The following AGBL1 variants were observed in gnomAD, a reference collection of about 807,000 sequenced individuals.
AGBL1 encodes AGBL carboxypeptidase 1.
Under a neutral mutation model 118.9 loss-of-function variants are expected in AGBL1, and 130 were observed. The observed-to-expected ratio is 1.09, with a 90% CI of 0.95 to 1.26. The LOEUF (loss-of-function observed/expected upper bound fraction) is 1.26, where lower values mean the gene tolerates loss of function less well. AGBL1 is among the 50% of genes most tolerant of loss of function. AGBL1 has a pLI of 0.00. For synonymous variants in AGBL1, 555 were observed against 478.9 expected (o/e 1.16, Z -2.08); for missense variants, 1,584 against 1,298.1 (o/e 1.22, Z -3.38).
chr15:86,398,577 AAG>A (rs1041843622), intron 18 of AGBL1, among the ~76,000 whole-genome samples: 6 of 152,158 alleles, frequency 3.9e-5, no homozygotes, highest in African/African-American at 1.4e-4. Flanking sequence ...TGTTAAATGA[AAG>A]AGACAAAATG....
intron 18 of AGBL1, among the ~76,000 whole-genome samples, chr15:86,468,040 T>C (rs1030531930): frequency 1.3e-5 from 2 of 152,114 alleles, no homozygotes; most frequent in African/African-American, 4.8e-5. Context: ...TGTAAACTCC[T>C]TGGGGCAGGA....
intron 22 of AGBL1, among the ~76,000 whole-genome samples, chr15:86,824,925 T>C (rs1003643342): frequency 6.6e-6 from 1 of 151,940 alleles, no homozygotes; most frequent in Non-Finnish European, 1.5e-5. Flanking sequence ...GGCGTGGTGG[T>C]GCACACCTGT....
intron 23 of AGBL1, among the ~76,000 whole-genome samples, chr15:86,936,157 C>A (rs2080671448): frequency 6.6e-6 from 1 of 152,316 alleles, no homozygotes; most frequent in Non-Finnish European, 1.5e-5. Context: ...CTCAGCCACA[C>A]TCGAGAGAGC....
At position 86,430,039 on chromosome 15, in the gene AGBL1, T is replaced by C. The variant is rs117168030; in HGVS notation, c.2555+32493T>C. On this transcript the variant is annotated intron_variant, in intron 18 of 22. Transcript: ENST00000614907. Reference sequence around the variant, plus strand: ...TACATTGATGTAGCCAATCTTTGAATTTCGAAGACATTGCGAATCAAAGCA... The same window carrying C: ...TACATTGATGTAGCCAATCTTTGAACTTCGAAGACATTGCGAATCAAAGCA... 6.6e-3 allele frequency among the ~76,000 whole-genome samples: 1,004 copies of C among 152,314 alleles called. 9 individuals carry two copies. Among genetic ancestry groups the C allele is most frequent in the South Asian group, 0.029 (142 of 4,820 alleles).
intron 18 of AGBL1, among the ~76,000 whole-genome samples, chr15:86,471,842 C>A (rs892302326): frequency 3.9e-5 from 6 of 152,120 alleles, no homozygotes; most frequent in Non-Finnish European, 5.9e-5. Context: ...ATGTCTTGAC[C>A]ATAGGAACCC....
chr15:86,549,178 A>G (rs1287206499), intron 20 of AGBL1, among the ~76,000 whole-genome samples: 1 of 152,100 alleles, frequency 6.6e-6, no homozygotes, highest in Admixed American at 6.5e-5. Context: ...TATCTAAACT[A>G]TATCGTATGG....
chr15:86,548,769 A>G (rs1394865448), intron 20 of AGBL1, among the ~76,000 whole-genome samples: 1 of 152,076 alleles, frequency 6.6e-6, no homozygotes, highest in African/African-American at 2.4e-5. Flanking sequence ...CTCTATAAAT[A>G]CATGGTGTAT....
intron 13 of AGBL1, among the ~76,000 whole-genome samples, chr15:86,268,109 A>G (rs1344236930): frequency 1.3e-5 from 2 of 152,328 alleles, no homozygotes; most frequent in African/African-American, 2.4e-5. Context: ...TCAGGGATGC[A>G]TATTCGCCAT....
intron 22 of AGBL1, among the ~76,000 whole-genome samples, chr15:86,718,768 T>G (rs2086674331): frequency 6.6e-6 from 1 of 151,660 alleles, no homozygotes; most frequent in African/African-American, 2.4e-5. Context: ...AATGAAGGAC[T>G]TTTTTAAAAA....
intron 19 of AGBL1, among the ~76,000 whole-genome samples, chr15:86,537,901 C>G (rs988808722): frequency 6.6e-6 from 1 of 152,100 alleles, no homozygotes; most frequent in East Asian, 1.9e-4. Context: ...AAATAATAGA[C>G]GTTAAAATCA....
intron 21 of AGBL1, among the ~76,000 whole-genome samples, chr15:86,590,448 C>G (rs767793661): frequency 6.6e-6 from 1 of 152,146 alleles, no homozygotes; most frequent in African/African-American, 2.4e-5. Flanking sequence ...GAAGAAGGAC[C>G]TGTTTGCTTC....
rs74027111 is a variant in AGBL1, at chr15:86,809,457, A to G, written c.3159-97630A>G. 4.6e-3 allele frequency among the ~76,000 whole-genome samples: 696 copies of G among 152,234 alleles called. 9 individuals are homozygous for G. The highest frequency in any genetic ancestry group is 0.016 in the African/African-American group (658 of 41,548). On this transcript the variant is annotated intron_variant, in intron 22 of 22. Transcript: ENST00000614907. ...CCATAACCAGGATTCTTTTTATCCTATCAAACTGTGTCTGGTATTTGTCCC... is the reference window on the plus strand; with the variant it reads ...CCATAACCAGGATTCTTTTTATCCTGTCAAACTGTGTCTGGTATTTGTCCC...
At chr15:86,446,126 G>A (rs2082117692) in intron 18 of AGBL1, among the ~76,000 whole-genome samples, 1 of 152,154 alleles carries the variant, frequency 6.6e-6, no homozygotes, top group South Asian at 2.1e-4. Context: ...CACCATAAGA[G>A]AGCCGACATG....
chr15:86,449,093 A>T (rs558615593), intron 18 of AGBL1, among the ~76,000 whole-genome samples: 1 of 152,334 alleles, frequency 6.6e-6, no homozygotes, highest in East Asian at 1.9e-4. Flanking sequence ...AGAAAATATG[A>T]GGATCAATGC....
chr15:86,247,507 C>G (rs1274033796), intron 6 of AGBL1, among the ~76,000 whole-genome samples, 164 bp from the exon 7 acceptor site: 1 of 152,224 alleles, frequency 6.6e-6, no homozygotes, highest in Non-Finnish European at 1.5e-5. Flanking sequence ...GGGATGTTAA[C>G]TTTGATCACT....
At chr15:86,345,039 TC>T (rs1194057342) in intron 17 of AGBL1, among the ~76,000 whole-genome samples, 1 of 152,152 alleles carries the variant, frequency 6.6e-6, no homozygotes, top group Non-Finnish European at 1.5e-5. Flanking sequence ...GAGCACCTCT[TC>T]TTTTTCAGGC....
chr15:86,834,153 AT>A (rs1319945241), intron 22 of AGBL1, among the ~76,000 whole-genome samples: 1 of 152,174 alleles, frequency 6.6e-6, no homozygotes, highest in East Asian at 1.9e-4. Context: ...AGAGGATTCA[AT>A]GGGGCATCTG....
At chr15:86,678,320 C>T (rs1241528672) in intron 22 of AGBL1, among the ~76,000 whole-genome samples, 2 of 152,046 alleles carry the variant, frequency 1.3e-5, no homozygotes, top group Admixed American at 6.6e-5. Context: ...GCTTTATAAA[C>T]ACTTGTTCCT....
At chr15:86,570,704 G>C (rs1052386507) in intron 21 of AGBL1, among the ~76,000 whole-genome samples, 1 of 152,254 alleles carries the variant, frequency 6.6e-6, no homozygotes, top group Admixed American at 6.5e-5. Context: ...GTCTTTTTCA[G>C]CCCCAGCTTG....
Sources: gnomAD v4.1 joint callset for allele counts (sites outside exome capture counted in the v4.1 genomes callset) on GRCh38, gnomAD v4.1.1 for gene constraint, MANE v1.5 for transcripts, NCBI Gene and HGNC (gene_info 2026-07-23, HGNC 2026-07-21) for gene names.